Variants in USH2A observed in about 807,000 individuals in gnomAD.
The protein encoded by USH2A is Usher syndrome 2A (autosomal recessive, mild).
Under a neutral mutation model 538.9 loss-of-function variants are expected in USH2A, and 443 were observed. The ratio of observed to expected loss-of-function variants is 0.82; its 90% CI spans 0.76 to 0.89. The LOEUF is 0.89. Among genes scored for constraint, USH2A ranks in the 40% least tolerant of loss-of-function variants. The probability of loss-of-function intolerance (pLI) is 0.00; values close to 1 mark genes in which losing one functional copy is unlikely to be tolerated. For synonymous variants in USH2A, 2,413 were observed against 2,273.5 expected (o/e 1.06, Z -1.75); for missense variants, 6,633 against 6,324.8 (o/e 1.05, Z -1.65).
At chr1:215,782,224 T>C in intron 53 of USH2A, 28 bp from the exon 54 acceptor site, 2 of 1,610,132 alleles carry the variant, frequency 1.2e-6, no homozygotes, top group Non-Finnish European at 1.7e-6. Flanking sequence ...ATGACTGCAT[T>C]TGAATGTGAT....
chr1:215,906,202 T>A (rs1412967920), intron 38 of USH2A, among the ~76,000 whole-genome samples: 26 of 152,040 alleles, frequency 1.7e-4, no homozygotes, highest in Non-Finnish European at 3.7e-4. Context: ...CAGAGCAGCA[T>A]TAAATAGTGA....
At chr1:216,156,284 C>CTTTTTTTTTCTTTTTTTTTTTTTTTTTT (rs2033935272) in intron 21 of USH2A, among the ~76,000 whole-genome samples, 1 of 102,588 alleles carries the variant, frequency 9.7e-6, no homozygotes, top group South Asian at 3.2e-4. Context: ...TTCTTTCTTT[C>CTTTTTTTTTCTTTTTTTTTTTTTTTTTT]TTTTTTTTTT....
rs984654995 is a variant in USH2A, at chr1:216,070,108, G to T, written c.6042C>A (p.Asn2014Lys). The change falls in exon 30 of 72, where the codon AAC (asparagine) becomes AAA (lysine). Residue 2014 changes from asparagine (N) to lysine (K), a missense_variant. Asn to Lys is a moderately conservative substitution (Grantham distance 94). Transcript: ENST00000307340. ...TTAAAGGATTGCATTTACCTGTGAG[G>T]TTGCTTGTATTGACAAATTCAGCAC... The part of the protein sequence containing the change: ...SASAEFVNTS[N>K]LTGILTGLLP... 9 of 1,613,816 alleles carry T rather than the reference G, an allele frequency of 5.6e-6. No individual in the cohort carries two copies. The East Asian group carries it at 1.6e-4, about 28-fold the overall frequency.
intron 71 of USH2A, 108 bp downstream of exon 71, chr1:215,628,706 C>A: frequency 8.6e-7 from 1 of 1,164,702 alleles, no homozygotes; most frequent in Non-Finnish European, 1.3e-6. Context: ...TGGCTAAGTG[C>A]TCAGAGGCGA....
At chr1:215,681,693 C>T (rs1658236396) in intron 61 of USH2A, among the ~76,000 whole-genome samples, 1 of 152,116 alleles carries the variant, frequency 6.6e-6, no homozygotes, top group Non-Finnish European at 1.5e-5. Context: ...AAAAACAAAA[C>T]AATGTAGAAA....
intron 49 of USH2A, among the ~76,000 whole-genome samples, chr1:215,809,779 A>G (rs937951052): frequency 2.0e-5 from 3 of 152,034 alleles, no homozygotes; most frequent in African/African-American, 7.2e-5. Context: ...AAGTCATGAG[A>G]AAAAAAATAA....
chr1:216,104,830 TTAAAC>T (rs1457705920), intron 21 of USH2A, among the ~76,000 whole-genome samples: 1 of 152,116 alleles, frequency 6.6e-6, no homozygotes, highest in African/African-American at 2.4e-5. Context: ...TGGGATCTAA[TTAAAC>T]TAAAGAGCTT....
Position 216,422,442 on chromosome 1 carries a change from G to A in USH2A, c.-106C>T. 1 of 1,521,262 alleles carries A rather than the reference G, an allele frequency of 6.6e-7. No individual in the cohort carries two copies. Among genetic ancestry groups the A allele is most frequent in the Non-Finnish European group, 9.0e-7 (1 of 1,113,392 alleles). 94.2% of individuals were successfully genotyped at this position (1,521,262 alleles called of 1,614,324 possible). On this transcript the variant is annotated 5_prime_UTR_variant, in exon 2 of 72. Transcript: ENST00000307340. ...GAAGCAGGGTACTTTAAGTGATGTT[G>A]CGATACTCCATTTTCTGGAAACTGC...
chr1:215,924,253 C>T (rs572642513), intron 38 of USH2A, among the ~76,000 whole-genome samples: 2 of 152,038 alleles, frequency 1.3e-5, no homozygotes, highest in South Asian at 2.1e-4. Flanking sequence ...CTACTGTTGT[C>T]AAAATCTATT....
At chr1:216,146,623 C>A (rs949375313) in intron 21 of USH2A, among the ~76,000 whole-genome samples, 2 of 152,116 alleles carry the variant, frequency 1.3e-5, no homozygotes. Flanking sequence ...TTTCCGCACC[C>A]CAACCTCTTA....
At chr1:216,341,175 A>T (rs2038069925) in intron 4 of USH2A, among the ~76,000 whole-genome samples, 1 of 152,130 alleles carries the variant, frequency 6.6e-6, no homozygotes, top group Admixed American at 6.6e-5. Flanking sequence ...ATGTGCAAAG[A>T]TCACAAGCAT....
intron 37 of USH2A, among the ~76,000 whole-genome samples, chr1:215,937,177 A>G (rs1666523709): frequency 6.6e-6 from 1 of 152,122 alleles, no homozygotes; most frequent in Non-Finnish European, 1.5e-5. Context: ...GACAATGATA[A>G]TTTCTATTCA....
Position 216,035,063 on chromosome 1 carries a change from C to G in USH2A, c.6325+11368G>C, listed in dbSNP as rs1212384369. Among the ~76,000 whole-genome samples, 4 of 152,162 alleles carry G rather than the reference C, an allele frequency of 2.6e-5. No individual in the cohort carries two copies. In the South Asian group the frequency reaches 6.2e-4, roughly 24 times the overall value. On this transcript the variant is annotated intron_variant, in intron 32 of 71. Coordinates refer to ENST00000307340, the MANE Select transcript of USH2A (RefSeq NM_206933.4). ...CATTACTGTCATGGGCCATATCCATCTTAAAACTGATTGTGAACACACACC... is the reference window on the plus strand; with the variant it reads ...CATTACTGTCATGGGCCATATCCATGTTAAAACTGATTGTGAACACACACC...
intron 47 of USH2A, 137 bp downstream of exon 47, chr1:215,837,854 A>G: frequency 1.3e-6 from 1 of 745,604 alleles, no homozygotes; most frequent in Non-Finnish European, 2.4e-6. Context: ...GTGAAATAAT[A>G]TCAAAAATTT....
Position 216,004,695 on chromosome 1 carries a change from A to G in USH2A, c.6326-4133T>C, listed in dbSNP as rs568122376. On this transcript the variant is annotated intron_variant, in intron 32 of 71. Transcript: ENST00000307340. ...AGTAGAATCAAGAGAAGATTTTTAA[A>G]GTAATTTAAATGAGAGAAAAATTTG... Among the ~76,000 whole-genome samples the G allele has an allele frequency of 2.6e-5, 4 of 152,340 alleles. No individual in the cohort carries two copies. In the East Asian group the frequency reaches 5.8e-4, roughly 22 times the overall value.
intron 61 of USH2A, among the ~76,000 whole-genome samples, chr1:215,699,018 G>A (rs1470085841): frequency 6.6e-6 from 1 of 152,172 alleles, no homozygotes; most frequent in Non-Finnish European, 1.5e-5. Flanking sequence ...AAGGGGTCCA[G>A]TTTCAGTTTT....
At chr1:215,745,374 G>T (rs534209453) in intron 58 of USH2A, among the ~76,000 whole-genome samples, 1 of 152,240 alleles carries the variant, frequency 6.6e-6, no homozygotes, top group African/African-American at 2.4e-5. Context: ...AAGACATAGG[G>T]AAACCAGTTT....
intron 30 of USH2A, among the ~76,000 whole-genome samples, chr1:216,067,128 A>G (rs560811160): frequency 1.8e-4 from 28 of 152,348 alleles, no homozygotes; most frequent in Non-Finnish European, 3.7e-4. Flanking sequence ...GGATGAAGCT[A>G]GAAGCCATCA....
At chr1:215,989,454 C>T (rs6672236) in intron 35 of USH2A, among the ~76,000 whole-genome samples, 83 of 152,148 alleles carry the variant, frequency 5.5e-4, no homozygotes, top group African/African-American at 1.9e-3. Context: ...ATATTTTCCC[C>T]GAGGACTCTG....
Sources: gnomAD v4.1 joint callset for allele counts (sites outside exome capture counted in the v4.1 genomes callset) on GRCh38, gnomAD v4.1.1 for gene constraint, MANE v1.5 for transcripts, NCBI Gene and HGNC (gene_info 2026-07-23, HGNC 2026-07-21) for gene names.